Variants in DLGAP1 observed in about 807,000 individuals in gnomAD.
DLGAP1 encodes the protein disks large-associated protein 1.
A neutral mutation model predicts 90.8 loss-of-function variants in DLGAP1; 11 were observed. The observed-to-expected ratio is 0.12, with a 90% CI of 0.08 to 0.20. The LOEUF is 0.20. Among genes scored for constraint, DLGAP1 ranks in the 10% least tolerant of loss-of-function variants. The pLI, the probability that DLGAP1 is intolerant of heterozygous loss-of-function variation, is 1.00. For synonymous variants in DLGAP1, 558 were observed against 540.7 expected, an observed-to-expected ratio of 1.03 and a Z score of -0.44; for missense variants, 1,050 against 1,333.8, an observed-to-expected ratio of 0.79 and a Z score of 3.31.
intron 5 of DLGAP1, among the ~76,000 whole-genome samples, chr18:3,808,398 G>A (rs2148388084): frequency 6.6e-6 from 1 of 152,174 alleles, no homozygotes; most frequent in South Asian, 2.1e-4. Context: ...TATAGTCAGG[G>A]AAGAATGGGA....
intron 5 of DLGAP1, among the ~76,000 whole-genome samples, chr18:3,753,270 C>T (rs1350062090): frequency 1.3e-5 from 2 of 152,280 alleles, no homozygotes; most frequent in South Asian, 2.1e-4. Context: ...CCCTGCTCCC[C>T]GGTGCTGGCA....
At chr18:3,895,540 C>A (rs547667337) in intron 3 of DLGAP1, among the ~76,000 whole-genome samples, 1 of 152,160 alleles carries the variant, frequency 6.6e-6, no homozygotes, top group Admixed American at 6.5e-5. Context: ...TAGATGCATT[C>A]GATAAATGTT....
intron 7 of DLGAP1, among the ~76,000 whole-genome samples, chr18:3,719,047 C>G (rs1024379796): frequency 6.6e-6 from 1 of 151,596 alleles, no homozygotes; most frequent in East Asian, 1.9e-4. Context: ...TTATATTTGA[C>G]ATTTGAAGCA....
intron 2 of DLGAP1, among the ~76,000 whole-genome samples, chr18:4,056,577 G>A (rs1435481624): frequency 1.3e-5 from 2 of 152,124 alleles, no homozygotes; most frequent in Non-Finnish European, 2.9e-5. Flanking sequence ...CTAACAAGTG[G>A]TGAACTAATA....
chr18:3,616,083 A>T (rs1241062566), intron 7 of DLGAP1, among the ~76,000 whole-genome samples: 1 of 152,154 alleles, frequency 6.6e-6, no homozygotes, highest in African/African-American at 2.4e-5. Context: ...ACAGGCATAG[A>T]GTTCTGCTGA....
intron 4 of DLGAP1, among the ~76,000 whole-genome samples, chr18:3,833,665 G>A (rs934164504): frequency 2.0e-5 from 3 of 152,182 alleles, no homozygotes; most frequent in Non-Finnish European, 2.9e-5. Flanking sequence ...TTTCTAGCAC[G>A]TGTGATCAAT....
chr18:3,901,526 G>A (rs1171511125), intron 3 of DLGAP1, among the ~76,000 whole-genome samples: 2 of 152,076 alleles, frequency 1.3e-5, no homozygotes, highest in South Asian at 2.1e-4. Context: ...AGGGATGTTG[G>A]CCACCATGCT....
chr18:4,090,758 A>ATATGAATCAT (rs1394745418), intron 2 of DLGAP1, among the ~76,000 whole-genome samples: 1 of 152,218 alleles, frequency 6.6e-6, no homozygotes, highest in Non-Finnish European at 1.5e-5. Flanking sequence ...ACCCAAAGGA[A>ATATGAATCAT]TATGAATCAT....
At chr18:3,853,974 T>C (rs35113808) in intron 4 of DLGAP1, among the ~76,000 whole-genome samples, 1 of 152,092 alleles carries the variant, frequency 6.6e-6, no homozygotes, top group Non-Finnish European at 1.5e-5. Context: ...TTATTAATAT[T>C]ATCAGTCTTT....
chr18:4,118,411 G>T (rs2076097500), intron 2 of DLGAP1, among the ~76,000 whole-genome samples: 1 of 152,092 alleles, frequency 6.6e-6, no homozygotes, highest in Non-Finnish European at 1.5e-5. Flanking sequence ...GCCTTTCCTT[G>T]TATGGAGCCT....
rs1172869696 is a variant in DLGAP1 at position 4,306,303 on chromosome 18, A to G, written c.-267+148703T>C. On this transcript the variant is annotated intron_variant, in intron 1 of 12. Transcript: ENST00000315677. ...GGACACAAGTAGAGGGACTGACAGAAAGCTTATATTAGAAGAAGGAAGACC... is the reference window on the plus strand; with the variant it reads ...GGACACAAGTAGAGGGACTGACAGAGAGCTTATATTAGAAGAAGGAAGACC... 3.3e-5 allele frequency among the ~76,000 whole-genome samples: 5 copies of G among 151,972 alleles called. No individual in the cohort carries two copies. The East Asian group carries it at 9.6e-4, about 29-fold the overall frequency.
intron 3 of DLGAP1, among the ~76,000 whole-genome samples, chr18:3,923,158 A>T (rs1485567393): frequency 6.9e-6 from 1 of 145,552 alleles, no homozygotes; most frequent in Non-Finnish European, 1.5e-5. Flanking sequence ...AAAAAAAAGC[A>T]CTAATTTTGC....
chr18:3,735,738 A>G (rs1015043648), intron 6 of DLGAP1, among the ~76,000 whole-genome samples: 1 of 152,184 alleles, frequency 6.6e-6, no homozygotes, highest in African/African-American at 2.4e-5. Flanking sequence ...GTATCAGGTA[A>G]TCATAAAACG....
chr18:4,257,630 CT>C (rs927025351), intron 1 of DLGAP1, among the ~76,000 whole-genome samples: 142 of 144,644 alleles, frequency 9.8e-4, no homozygotes, highest in Non-Finnish European at 9.1e-4. Flanking sequence ...CTTTTCCTTT[CT>C]TTTTTTTTTT....
chr18:3,753,471 T>C (rs1171595180), intron 5 of DLGAP1, among the ~76,000 whole-genome samples: 1 of 152,226 alleles, frequency 6.6e-6, no homozygotes, highest in Non-Finnish European at 1.5e-5. Context: ...GGAAAAGCCC[T>C]ATCCCCAGGC....
chr18:3,788,790 G>C (rs926476503), intron 5 of DLGAP1, among the ~76,000 whole-genome samples: 2 of 152,088 alleles, frequency 1.3e-5, no homozygotes, highest in African/African-American at 4.8e-5. Flanking sequence ...AAATAGTTAT[G>C]AATCAATGTT....
At chr18:4,064,157 C>CT (rs201305752) in intron 2 of DLGAP1, among the ~76,000 whole-genome samples, 10 of 151,412 alleles carry the variant, frequency 6.6e-5, no homozygotes, top group African/African-American at 1.2e-4. Context: ...TAGGTTTTGT[C>CT]TTTTTTTTTC....
chr18:4,403,480 T>A (rs2082599069), intron 1 of DLGAP1, among the ~76,000 whole-genome samples: 1 of 152,190 alleles, frequency 6.6e-6, no homozygotes, highest in African/African-American at 2.4e-5. Flanking sequence ...CAAAAAATTC[T>A]CCTTAACAAA....
chr18:4,129,363 C>T (rs1245391843), intron 2 of DLGAP1, among the ~76,000 whole-genome samples: 1 of 151,900 alleles, frequency 6.6e-6, no homozygotes, highest in East Asian at 1.9e-4. Flanking sequence ...TATGGCTGTC[C>T]GGACTACACT....
Sources: gnomAD v4.1 joint callset for allele counts (sites outside exome capture counted in the v4.1 genomes callset) on GRCh38, gnomAD v4.1.1 for gene constraint, MANE v1.5 for transcripts, NCBI Gene and HGNC (gene_info 2026-07-23, HGNC 2026-07-21) for gene names.